Variants in PRKG1 observed in about 807,000 individuals in gnomAD.
PRKG1 encodes protein kinase cGMP-dependent 1.
Under a neutral mutation model 88.1 loss-of-function variants are expected in PRKG1, and 35 were observed. The observed-to-expected ratio is 0.40, with a 90% CI of 0.30 to 0.53. PRKG1 has a LOEUF of 0.53. Ranked by LOEUF, PRKG1 falls within the 20% of genes least tolerant of loss-of-function variation. PRKG1 has a pLI of 0.59. For synonymous variants in PRKG1, 303 were observed against 292.5 expected (o/e 1.04, Z -0.37); for missense variants, 540 against 839.8 (o/e 0.64, Z 4.41).
At position 52,184,060 on chromosome 10, in the gene PRKG1, T is replaced by C. The variant is rs112303026; in HGVS notation, c.1076+22097T>C. On this transcript the variant is annotated intron_variant, in intron 9 of 17. Coordinates refer to ENST00000373980, the MANE Select transcript of PRKG1 (RefSeq NM_006258.4). ...CAGTCACCATGGGTGCCTCACTATTTCAGTGCATTCCCTTTGACACTCCAA... is the reference window on the plus strand; with the variant it reads ...CAGTCACCATGGGTGCCTCACTATTCCAGTGCATTCCCTTTGACACTCCAA... 1.3e-3 allele frequency among the ~76,000 whole-genome samples: 192 copies of C among 152,324 alleles called. 1 individual carries two copies. Among genetic ancestry groups the C allele is most frequent in the African/African-American group, 4.3e-3 (177 of 41,582 alleles).
chr10:52,020,247 T>G (rs1845148423), intron 5 of PRKG1, among the ~76,000 whole-genome samples: 1 of 152,184 alleles, frequency 6.6e-6, no homozygotes, highest in African/African-American at 2.4e-5. Context: ...GTTTCTTAAC[T>G]GTCTCTCCAG....
chr10:51,295,396 A>T (rs999425985), intron 2 of PRKG1, among the ~76,000 whole-genome samples: 5 of 151,896 alleles, frequency 3.3e-5, no homozygotes, highest in Non-Finnish European at 7.4e-5. Context: ...TACTATTATG[A>T]ATGGGATTGT....
At chr10:51,166,314 A>T (rs1173644897) in intron 2 of PRKG1, among the ~76,000 whole-genome samples, 1 of 152,124 alleles carries the variant, frequency 6.6e-6, no homozygotes, top group African/African-American at 2.4e-5. Flanking sequence ...AAATGTTTAT[A>T]CTTTGTGCCA....
chr10:51,652,302 A>T (rs1477736382), intron 3 of PRKG1, among the ~76,000 whole-genome samples: 1 of 128,498 alleles, frequency 7.8e-6, no homozygotes, highest in Non-Finnish European at 1.7e-5. Flanking sequence ...ATGTTAGTTA[A>T]GTGATTTCTG....
intron 1 of PRKG1, among the ~76,000 whole-genome samples, chr10:51,044,029 A>C (rs1302276535): frequency 2.6e-5 from 4 of 152,196 alleles, no homozygotes; most frequent in Admixed American, 2.6e-4. Flanking sequence ...AATACTGTCT[A>C]TTTTACAGAT....
chr10:51,855,812 A>C (rs1197305236), intron 4 of PRKG1, among the ~76,000 whole-genome samples: 1 of 152,228 alleles, frequency 6.6e-6, no homozygotes, highest in Non-Finnish European at 1.5e-5. Flanking sequence ...TGGAAACAAA[A>C]CAAAACAGAG....
chr10:52,114,799 A>G (rs1847648497), intron 7 of PRKG1, among the ~76,000 whole-genome samples: 1 of 152,120 alleles, frequency 6.6e-6, no homozygotes, highest in South Asian at 2.1e-4. Context: ...TAGGTGCTCA[A>G]TTAAGTATTA....
At chr10:52,256,600 G>T (rs1841313978) in intron 10 of PRKG1, among the ~76,000 whole-genome samples, 1 of 139,854 alleles carries the variant, frequency 7.2e-6, no homozygotes, top group Non-Finnish European at 1.6e-5. Flanking sequence ...TCAGTAAATG[G>T]TGTTAATGTT....
chr10:51,220,241 G>A (rs182259839), intron 2 of PRKG1, among the ~76,000 whole-genome samples: 1 of 152,292 alleles, frequency 6.6e-6, no homozygotes, highest in African/African-American at 2.4e-5. Flanking sequence ...ACCAAATTCT[G>A]TCAACAGCCT....
intron 9 of PRKG1, among the ~76,000 whole-genome samples, chr10:52,195,979 T>A (rs1224237818): frequency 6.6e-6 from 1 of 152,146 alleles, no homozygotes; most frequent in Admixed American, 6.5e-5. Context: ...ATGTGTGTAA[T>A]GGTTGATTAA....
intron 5 of PRKG1, among the ~76,000 whole-genome samples, chr10:51,919,197 G>C (rs1316426273): frequency 6.6e-6 from 1 of 152,132 alleles, no homozygotes; most frequent in Non-Finnish European, 1.5e-5. Context: ...CTTAGGCCAG[G>C]GGGTATAAGT....
At chr10:51,766,937 A>T (rs536291470) in intron 3 of PRKG1, among the ~76,000 whole-genome samples, 1 of 152,304 alleles carries the variant, frequency 6.6e-6, no homozygotes, top group Non-Finnish European at 1.5e-5. Context: ...GAAGCCTGCA[A>T]CACAACAGAA....
At chr10:51,948,522 C>T (rs1343830385) in intron 5 of PRKG1, among the ~76,000 whole-genome samples, 2 of 104,222 alleles carry the variant, frequency 1.9e-5, no homozygotes, top group Admixed American at 1.8e-4. Context: ...TTGTGTGTGT[C>T]TCTGTGTGTG....
rs191559914 is a variant in PRKG1, at chr10:51,959,746, G to C, written c.762+52176G>C. On this transcript the variant is annotated intron_variant, in intron 5 of 17. Transcript: ENST00000373980. Reference sequence around the variant, plus strand: ...AATGTCAGAGGTGAAGGAGATTGAAGTATAGCAGATGATGCCAAGATTTCT... The same window carrying C: ...AATGTCAGAGGTGAAGGAGATTGAACTATAGCAGATGATGCCAAGATTTCT... Among the ~76,000 whole-genome samples the C allele has an allele frequency of 1.3e-3, 199 of 152,246 alleles. 1 individual carries two copies. The highest frequency in any genetic ancestry group is 5.7e-4 in the Non-Finnish European group (39 of 68,014).
intron 4 of PRKG1, among the ~76,000 whole-genome samples, chr10:51,889,671 C>T (rs10823826): frequency 0.18 from 27,832 of 152,094 alleles, 3,107 homozygotes; most frequent in Non-Finnish European, 0.24. Flanking sequence ...TACAGTCCCA[C>T]CAACAGTGTA....
At chr10:52,063,924 G>T (rs1846296040) in intron 7 of PRKG1, among the ~76,000 whole-genome samples, 1 of 152,176 alleles carries the variant, frequency 6.6e-6, no homozygotes, top group Non-Finnish European at 1.5e-5. Context: ...GTTAAGCCTG[G>T]GGCTTTTATG....
chr10:52,274,422 A>G (rs1022802952), intron 12 of PRKG1, among the ~76,000 whole-genome samples: 3 of 151,490 alleles, frequency 2.0e-5, no homozygotes, highest in Admixed American at 6.6e-5. Flanking sequence ...ATAGTCTCCA[A>G]TTTCATCCAG....
intron 5 of PRKG1, among the ~76,000 whole-genome samples, chr10:51,948,522 CTCTG>C (rs1272763010): frequency 7.7e-5 from 8 of 104,222 alleles, no homozygotes; most frequent in African/African-American, 1.2e-4. Context: ...TTGTGTGTGT[CTCTG>C]TGTGTGTGTG....
rs74133959 is a variant in PRKG1, at chr10:51,081,622, T to C, written c.311+6721T>C. 4.2e-3 allele frequency among the ~76,000 whole-genome samples: 644 copies of C among 152,344 alleles called. 5 individuals carry two copies. Among genetic ancestry groups the C allele is most frequent in the African/African-American group, 0.014 (602 of 41,584 alleles). Reference sequence around the variant, plus strand: ...AGAATAAGGGCAACAACTCAGTGCATCCTGCTTCTGAATGAAAGCATCAAG... The same window carrying C: ...AGAATAAGGGCAACAACTCAGTGCACCCTGCTTCTGAATGAAAGCATCAAG... On this transcript the variant is annotated intron_variant, in intron 1 of 17. Transcript: ENST00000373980.
Sources: gnomAD v4.1 joint callset for allele counts (sites outside exome capture counted in the v4.1 genomes callset) on GRCh38, gnomAD v4.1.1 for gene constraint, MANE v1.5 for transcripts, NCBI Gene and HGNC (gene_info 2026-07-23, HGNC 2026-07-21) for gene names.